The following BCKDHB variants were observed in gnomAD, a reference collection of about 807,000 sequenced individuals.
BCKDHB encodes the protein 2-oxoisovalerate dehydrogenase subunit beta, mitochondrial.
A neutral mutation model predicts 48.5 loss-of-function variants in BCKDHB; 41 were observed. That is an observed-to-expected ratio of 0.85 (90% CI 0.66 to 1.10). BCKDHB has a LOEUF of 1.10. Ranked by LOEUF, BCKDHB falls within the 50% of genes least tolerant of loss-of-function variation. The pLI, the probability that BCKDHB is intolerant of heterozygous loss-of-function variation, is 0.00. For missense variants in BCKDHB, 496 were observed against 494.2 expected (o/e 1.00, Z -0.03); for synonymous variants, 201 against 174.8 (o/e 1.15, Z -1.18).
the BCKDHB span, among the ~76,000 whole-genome samples, chr6:80,388,311 T>A: frequency 6.6e-6 from 1 of 152,170 alleles, no homozygotes; most frequent in Non-Finnish European, 1.5e-5. Context: ...GGATGCTGTT[T>A]GGGGCCTTTG....
intron 8 of BCKDHB, among the ~76,000 whole-genome samples, chr6:80,221,271 C>A (rs1315795296): frequency 6.6e-6 from 1 of 152,098 alleles, no homozygotes; most frequent in Non-Finnish European, 1.5e-5. Context: ...CATCACACAC[C>A]CACAAAAGAC....
intron 1 of BCKDHB, among the ~76,000 whole-genome samples, chr6:80,107,100 C>A (rs891081944): frequency 6.6e-6 from 1 of 151,746 alleles, no homozygotes; most frequent in Non-Finnish European, 1.5e-5. Flanking sequence ...CGCAGTCCCC[C>A]CTCCCCCGCA....
chr6:80,284,703 G>A (rs1295041129), intron 9 of BCKDHB, among the ~76,000 whole-genome samples: 1 of 152,036 alleles, frequency 6.6e-6, no homozygotes, highest in Non-Finnish European at 1.5e-5. Flanking sequence ...TTTTAAAAAT[G>A]CCTTAAGGTG....
chr6:80,377,339 G>A, the BCKDHB span, among the ~76,000 whole-genome samples: 1 of 152,142 alleles, frequency 6.6e-6, no homozygotes, highest in Non-Finnish European at 1.5e-5. Flanking sequence ...ACCACACCTG[G>A]CCTGATTTTT....
chr6:80,400,686 A>T, the BCKDHB span, among the ~76,000 whole-genome samples: 7 of 151,800 alleles, frequency 4.6e-5, no homozygotes, highest in South Asian at 1.5e-3. Context: ...TAAAAACAGT[A>T]CTTCAACCCA....
At chr6:80,169,850 C>G in intron 5 of BCKDHB, 2 of 1,606,774 alleles carry the variant, frequency 1.2e-6, no homozygotes, top group Non-Finnish European at 1.7e-6. Context: ...TAGATGTTGC[C>G]TGATTTTTGA....
At chr6:80,448,837 T>C in the BCKDHB span, among the ~76,000 whole-genome samples, 1 of 152,182 alleles carries the variant, frequency 6.6e-6, no homozygotes, top group Non-Finnish European at 1.5e-5. Context: ...TTGGGTACTA[T>C]GCTCATTACC....
intron 8 of BCKDHB, among the ~76,000 whole-genome samples, chr6:80,253,061 G>A (rs185132253): frequency 6.6e-6 from 1 of 152,308 alleles, no homozygotes; most frequent in East Asian, 1.9e-4. Flanking sequence ...AAATTAAGGA[G>A]CAGTTTATTT....
intron 9 of BCKDHB, among the ~76,000 whole-genome samples, chr6:80,317,165 G>A (rs1316691356): frequency 6.6e-6 from 1 of 152,146 alleles, no homozygotes; most frequent in Non-Finnish European, 1.5e-5. Context: ...TTAAGGGGCA[G>A]ACTTGACTAA....
At chr6:80,261,973 G>C (rs1777325381) in intron 8 of BCKDHB, among the ~76,000 whole-genome samples, 1 of 152,088 alleles carries the variant, frequency 6.6e-6, no homozygotes, top group Non-Finnish European at 1.5e-5. Flanking sequence ...CTTTGATTCT[G>C]CTCTCAATTT....
At chr6:80,210,720 T>C (rs1774885317) in intron 8 of BCKDHB, among the ~76,000 whole-genome samples, 1 of 152,174 alleles carries the variant, frequency 6.6e-6, no homozygotes, top group Non-Finnish European at 1.5e-5. Context: ...CCTTTTATCA[T>C]GCAGCTCTGT....
chr6:80,455,545 T>C, the BCKDHB span, among the ~76,000 whole-genome samples: 5 of 149,706 alleles, frequency 3.3e-5, no homozygotes, highest in Non-Finnish European at 5.9e-5. Flanking sequence ...CTTTATACCA[T>C]GCAGTAAAAA....
At chr6:80,308,321 T>C (rs1042361641) in intron 9 of BCKDHB, among the ~76,000 whole-genome samples, 1 of 152,158 alleles carries the variant, frequency 6.6e-6, no homozygotes, top group African/African-American at 2.4e-5. Context: ...TATTCCATCA[T>C]ATGATAGTAA....
At chr6:80,386,835 A>G in the BCKDHB span, among the ~76,000 whole-genome samples, 1 of 152,212 alleles carries the variant, frequency 6.6e-6, no homozygotes, top group Admixed American at 6.5e-5. Context: ...AATTTGAATT[A>G]TAAAAACAGA....
chr6:80,454,490 A>T, the BCKDHB span, among the ~76,000 whole-genome samples: 2 of 152,186 alleles, frequency 1.3e-5, no homozygotes, highest in East Asian at 1.9e-4. Flanking sequence ...ACTCTTGAGG[A>T]TCTACACTTT....
intron 8 of BCKDHB, among the ~76,000 whole-genome samples, chr6:80,233,426 A>C (rs936776322): frequency 7.9e-5 from 12 of 152,202 alleles, no homozygotes; most frequent in African/African-American, 2.7e-4. Context: ...AATCAAAATT[A>C]GTGACTTATC....
chr6:80,298,447 G>C (rs1438238670), intron 9 of BCKDHB, among the ~76,000 whole-genome samples: 5 of 152,162 alleles, frequency 3.3e-5, no homozygotes, highest in Non-Finnish European at 7.4e-5. Flanking sequence ...GCCATACCAA[G>C]TGGCCAATAT....
chr6:80,165,453 C>T lies in BCKDHB; in HGVS notation c.344-2225C>T, dbSNP rs112994302. Among the ~76,000 whole-genome samples the T allele has an allele frequency of 3.8e-3, 584 of 152,164 alleles. 3 individuals are homozygous for T. Among genetic ancestry groups the T allele is most frequent in the African/African-American group, 0.013 (536 of 41,522 alleles). On this transcript the variant is annotated intron_variant, in intron 3 of 9. Transcript: ENST00000320393. ...ATTTCCCAACACCTGCCCCATGTTT[C>T]GTTCATATTCAAAGGAAATGATTAA...
chr6:80,150,204 T>C (rs1028560841), intron 3 of BCKDHB, among the ~76,000 whole-genome samples: 1 of 152,160 alleles, frequency 6.6e-6, no homozygotes, highest in Non-Finnish European at 1.5e-5. Flanking sequence ...CATCTTCTTA[T>C]AGCCCTTGCT....
Sources: gnomAD v4.1 joint callset for allele counts (sites outside exome capture counted in the v4.1 genomes callset) on GRCh38, gnomAD v4.1.1 for gene constraint, MANE v1.5 for transcripts, NCBI Gene and HGNC (gene_info 2026-07-23, HGNC 2026-07-21) for gene names.